AATF: variants seen among roughly 807,000 people sequenced by gnomAD.
The protein encoded by AATF is protein AATF.
Under a neutral mutation model 63.7 loss-of-function variants are expected in AATF, and 48 were observed. The ratio of observed to expected loss-of-function variants is 0.75; its 90% CI spans 0.60 to 0.96. AATF has a LOEUF of 0.96. Ranked by LOEUF, AATF falls within the 40% of genes least tolerant of loss-of-function variation. The pLI is 0.00. For synonymous variants in AATF, 258 were observed against 247.7 expected, an observed-to-expected ratio of 1.04 and a Z score of -0.39; for missense variants, 639 against 685.7, an observed-to-expected ratio of 0.93 and a Z score of 0.76.
chr17:36,957,618 G>A (rs55856319), intron 4 of AATF, among the ~76,000 whole-genome samples: 2,584 of 152,238 alleles, frequency 0.017, 73 homozygotes, highest in African/African-American at 0.059. Flanking sequence ...TCCTTGAAGC[G>A]TTTAACTTTT....
chr17:36,967,589 C>G (rs1481087115), intron 4 of AATF, among the ~76,000 whole-genome samples: 1 of 152,198 alleles, frequency 6.6e-6, no homozygotes, highest in Non-Finnish European at 1.5e-5. Context: ...TCACCGTCAT[C>G]CTGGGTGTTA....
chr17:37,051,675 AAGACAGACAGAC>A (rs1215756811), intron 11 of AATF, among the ~76,000 whole-genome samples: 6 of 149,868 alleles, frequency 4.0e-5, no homozygotes, highest in East Asian at 2.0e-4. Flanking sequence ...GCCGAATCCT[AAGACAGACAGAC>A]AGACAGACAG....
intron 4 of AATF, among the ~76,000 whole-genome samples, chr17:36,957,361 C>T (rs184136658): frequency 2.8e-4 from 43 of 152,316 alleles, no homozygotes; most frequent in African/African-American, 9.9e-4. Context: ...TTTTTCTGCT[C>T]AAAGAGGCAT....
intron 11 of AATF, among the ~76,000 whole-genome samples, chr17:37,039,133 A>G (rs1408459783): frequency 2.0e-5 from 3 of 152,214 alleles, no homozygotes; most frequent in Non-Finnish European, 4.4e-5. Context: ...TAATAGGAAT[A>G]TGCACTGAAT....
At chr17:37,047,252 G>A (rs542531209) in intron 11 of AATF, among the ~76,000 whole-genome samples, 4 of 152,216 alleles carry the variant, frequency 2.6e-5, no homozygotes, top group East Asian at 3.9e-4. Flanking sequence ...AAGGAGCGGC[G>A]CCCCTTTTGT....
intron 8 of AATF, among the ~76,000 whole-genome samples, chr17:36,993,908 T>C (rs754221844): frequency 1.3e-5 from 2 of 152,204 alleles, no homozygotes; most frequent in Non-Finnish European, 2.9e-5. Flanking sequence ...TACACACACA[T>C]ACTCATTCAC....
intron 11 of AATF, among the ~76,000 whole-genome samples, chr17:37,054,295 C>G (rs2071779287): frequency 1.3e-5 from 2 of 152,270 alleles, no homozygotes; most frequent in South Asian, 4.1e-4. Context: ...GAGGTTGTTG[C>G]TGTGTGCTTC....
chr17:37,000,971 A>T (rs2071289736), intron 8 of AATF, among the ~76,000 whole-genome samples: 1 of 151,894 alleles, frequency 6.6e-6, no homozygotes, highest in South Asian at 2.1e-4. Flanking sequence ...TCCCACAAAA[A>T]AAAGGTAAAT....
chr17:36,952,740 G>A (rs1253456648), intron 2 of AATF, 146 bp from the exon 3 acceptor site: 2 of 1,414,144 alleles, frequency 1.4e-6, no homozygotes, highest in Non-Finnish European at 1.9e-6. Context: ...GGAGATTGTA[G>A]ATGTGTAATA....
intron 11 of AATF, among the ~76,000 whole-genome samples, chr17:37,045,310 C>G (rs1357730712): frequency 6.6e-6 from 1 of 152,204 alleles, no homozygotes; most frequent in Non-Finnish European, 1.5e-5. Flanking sequence ...GACTGAAGGC[C>G]TTTCTTCTAC....
At chr17:36,967,380 T>TA (rs770598836) in intron 4 of AATF, among the ~76,000 whole-genome samples, 6 of 152,224 alleles carry the variant, frequency 3.9e-5, no homozygotes, top group Admixed American at 2.0e-4. Flanking sequence ...AGTTGATTGT[T>TA]ACATTTTTGT....
intron 11 of AATF, among the ~76,000 whole-genome samples, chr17:37,053,498 A>G (rs1482299210): frequency 6.6e-6 from 1 of 152,230 alleles, no homozygotes; most frequent in Non-Finnish European, 1.5e-5. Context: ...CAAGCATGAA[A>G]CCATTATATT....
intron 11 of AATF, among the ~76,000 whole-genome samples, chr17:37,043,691 G>A (rs1440877160): frequency 6.6e-6 from 1 of 151,964 alleles, no homozygotes; most frequent in African/African-American, 2.4e-5. Flanking sequence ...TTCACTTAAG[G>A]TCTTTTTCCA....
At chr17:37,001,313 A>G (rs886666802) in intron 8 of AATF, among the ~76,000 whole-genome samples, 24 of 150,094 alleles carry the variant, frequency 1.6e-4, no homozygotes, top group African/African-American at 5.6e-4. Flanking sequence ...GAGCAAGACC[A>G]AGAAAAGAGA....
intron 4 of AATF, among the ~76,000 whole-genome samples, chr17:36,972,175 C>T (rs2071044652): frequency 6.6e-6 from 1 of 152,112 alleles, no homozygotes; most frequent in African/African-American, 2.4e-5. Context: ...GCCACATCAA[C>T]CTATAGTGTC....
intron 8 of AATF, among the ~76,000 whole-genome samples, chr17:37,004,533 A>G (rs2071327447): frequency 6.6e-6 from 1 of 152,072 alleles, no homozygotes; most frequent in Admixed American, 6.6e-5. Flanking sequence ...AAAGGTAGGA[A>G]TTGCTGGTCA....
At chr17:36,986,078 T>C (rs898028045) in intron 4 of AATF, among the ~76,000 whole-genome samples, 3 of 151,662 alleles carry the variant, frequency 2.0e-5, no homozygotes, top group Non-Finnish European at 4.4e-5. Context: ...AGAGATGGAG[T>C]GAAGGATGTG....
chr17:37,056,627 G>A lies in AATF; in HGVS notation c.1646G>A (p.Gly549Asp), dbSNP rs1288636603. The A allele has an allele frequency of 6.2e-7, 1 of 1,614,062 alleles. No individual in the cohort carries two copies. Among genetic ancestry groups the A allele is most frequent in the Non-Finnish European group, 8.5e-7 (1 of 1,180,002 alleles). ...ARTELYRSLF[G>D]QLHPPDEGHG... is the part of the protein sequence containing the mutation. Reference sequence around the variant, plus strand: ...ACAGAACTGTACCGCTCTCTTTTTGGCCAGCTCCACCCTCCCGACGAAGGC... The same window carrying A: ...ACAGAACTGTACCGCTCTCTTTTTGACCAGCTCCACCCTCCCGACGAAGGC... Residue 549 changes from glycine (G) to aspartate (D), a missense_variant, in exon 12 of 12, where the codon GGC becomes GAC. By Grantham distance (94) the Gly-to-Asp change is moderately conservative (BLOSUM62 -1). Transcript: ENST00000619387.
At position 37,031,597 on chromosome 17, in the gene AATF, C is replaced by T. The variant is rs2071552197; in HGVS notation, c.1548-17C>T. ...TAGTTACTAATGTTGCTGCCTGTTGCTTCCTGCTTTATTTAGGTTTCATGT... is the reference window on the plus strand; with the variant it reads ...TAGTTACTAATGTTGCTGCCTGTTGTTTCCTGCTTTATTTAGGTTTCATGT... On this transcript the variant is annotated splice_polypyrimidine_tract_variant and intron_variant, in intron 10 of 11. Transcript: ENST00000619387. The T allele has an allele frequency of 2.5e-6, 4 of 1,611,160 alleles. No individual in the cohort carries two copies. Among genetic ancestry groups the T allele is most frequent in the Non-Finnish European group, 3.4e-6 (4 of 1,177,322 alleles).
Sources: gnomAD v4.1 joint callset for allele counts (sites outside exome capture counted in the v4.1 genomes callset) on GRCh38, gnomAD v4.1.1 for gene constraint, MANE v1.5 for transcripts, NCBI Gene and HGNC (gene_info 2026-07-23, HGNC 2026-07-21) for gene names.